RFX3: variants seen among roughly 807,000 people sequenced by gnomAD.
RFX3 encodes the protein transcription factor RFX3.
A neutral mutation model predicts 98.6 loss-of-function variants in RFX3; 14 were observed. That is an observed-to-expected ratio of 0.14 (90% CI 0.09 to 0.22). The LOEUF is 0.22. RFX3 is among the 10% of genes least tolerant of loss of function. The probability of loss-of-function intolerance (pLI) is 1.00; values close to 1 mark genes in which losing one functional copy is unlikely to be tolerated. For synonymous variants in RFX3, 383 were observed against 328.4 expected (o/e 1.17, Z -1.80); for missense variants, 639 against 926.9 (o/e 0.69, Z 4.03).
At chr9:3,340,840 G>C (rs1158485916) in intron 3 of RFX3, among the ~76,000 whole-genome samples, 1 of 152,206 alleles carries the variant, frequency 6.6e-6, no homozygotes, top group Non-Finnish European at 1.5e-5. Flanking sequence ...GTGGAAGTCA[G>C]TGTGGCGATT....
chr9:3,274,696 G>A (rs10971055), intron 9 of RFX3, among the ~76,000 whole-genome samples: 10 of 152,218 alleles, frequency 6.6e-5, no homozygotes, highest in Non-Finnish European at 1.5e-4. Flanking sequence ...TATTTTAATA[G>A]AAATATACAC....
chr9:3,501,002 T>C (rs955277596), intron 1 of RFX3, among the ~76,000 whole-genome samples: 8 of 152,208 alleles, frequency 5.3e-5, no homozygotes, highest in Admixed American at 4.6e-4. Context: ...GGCAGTGTCA[T>C]TGGAATGTGC....
intron 1 of RFX3, among the ~76,000 whole-genome samples, chr9:3,429,665 C>T (rs981809296): frequency 6.6e-6 from 1 of 152,166 alleles, no homozygotes; most frequent in Non-Finnish European, 1.5e-5. Flanking sequence ...ACTACATTCA[C>T]TTGCAAAGTA....
At chr9:3,304,532 T>C (rs1177469039) in intron 4 of RFX3, among the ~76,000 whole-genome samples, 1 of 152,010 alleles carries the variant, frequency 6.6e-6, no homozygotes, top group Non-Finnish European at 1.5e-5. Flanking sequence ...GAATTGTAGC[T>C]CCCACAATTC....
chr9:3,522,470 C>G (rs550096044), intron 1 of RFX3, among the ~76,000 whole-genome samples: 3 of 152,144 alleles, frequency 2.0e-5, no homozygotes, highest in African/African-American at 7.2e-5. Flanking sequence ...TACTTCTTCC[C>G]TATTCTCATT....
At chr9:3,449,715 T>C (rs1846394536) in intron 1 of RFX3, among the ~76,000 whole-genome samples, 1 of 151,590 alleles carries the variant, frequency 6.6e-6, no homozygotes, top group Non-Finnish European at 1.5e-5. Flanking sequence ...TAGCCAGGTG[T>C]GGAAGTGCAT....
At chr9:3,482,270 T>C (rs1202367453) in intron 1 of RFX3, among the ~76,000 whole-genome samples, 1 of 151,838 alleles carries the variant, frequency 6.6e-6, no homozygotes. Flanking sequence ...TAATAAACTT[T>C]GATTTGTAGG....
chr9:3,424,181 T>C (rs1029599915), intron 1 of RFX3, among the ~76,000 whole-genome samples: 4 of 151,092 alleles, frequency 2.6e-5, no homozygotes, highest in South Asian at 2.1e-4. Flanking sequence ...AGGCTGTCCC[T>C]GGTGAACTTC....
chr9:3,226,122 G>C (rs189926602), intron 16 of RFX3, among the ~76,000 whole-genome samples: 1 of 152,262 alleles, frequency 6.6e-6, no homozygotes, highest in African/African-American at 2.4e-5. Flanking sequence ...TATTGTGTGA[G>C]AGTCTCCTCA....
chr9:3,373,782 A>T (rs1205271849), intron 2 of RFX3, among the ~76,000 whole-genome samples: 2 of 152,082 alleles, frequency 1.3e-5, no homozygotes, highest in African/African-American at 2.4e-5. Flanking sequence ...ACAGACTTTT[A>T]AAAATACAAG....
chr9:3,239,035 C>A (rs1819559568), intron 15 of RFX3, among the ~76,000 whole-genome samples: 1 of 151,016 alleles, frequency 6.6e-6, no homozygotes, highest in Non-Finnish European at 1.5e-5. Context: ...AAAACTGATT[C>A]AAAAAAGGTA....
chr9:3,498,655 C>G (rs377308465), intron 1 of RFX3, among the ~76,000 whole-genome samples: 10 of 152,016 alleles, frequency 6.6e-5, no homozygotes, highest in Admixed American at 6.6e-4. Context: ...ACTATTATTG[C>G]TATTTTAATA....
At chr9:3,232,021 G>T (rs959492937) in intron 15 of RFX3, among the ~76,000 whole-genome samples, 1 of 149,616 alleles carries the variant, frequency 6.7e-6, no homozygotes, top group Non-Finnish European at 1.5e-5. Context: ...CAACAGGAGC[G>T]AAACTCTGTC....
At chr9:3,263,463 G>A (rs1192454741) in intron 12 of RFX3, among the ~76,000 whole-genome samples, 1 of 151,932 alleles carries the variant, frequency 6.6e-6, no homozygotes, top group Non-Finnish European at 1.5e-5. Flanking sequence ...GTAGAAACTA[G>A]GCAAATTTTA....
chr9:3,234,112 TTAAC>T (rs1428433769), intron 15 of RFX3, among the ~76,000 whole-genome samples: 1 of 152,180 alleles, frequency 6.6e-6, no homozygotes, highest in East Asian at 1.9e-4. Flanking sequence ...TATCACTATG[TTAAC>T]TATCACCCAG....
chr9:3,513,042 T>C (rs1817798736), intron 1 of RFX3, among the ~76,000 whole-genome samples: 1 of 152,124 alleles, frequency 6.6e-6, no homozygotes, highest in Non-Finnish European at 1.5e-5. Context: ...CATTTCTTTA[T>C]GCTCCTTAAA....
intron 1 of RFX3, among the ~76,000 whole-genome samples, chr9:3,504,246 T>TAA (rs1816424777): frequency 7.5e-6 from 1 of 132,960 alleles, no homozygotes; most frequent in South Asian, 2.2e-4. Flanking sequence ...ATTATATATA[T>TAA]ATTTTATATA....
chr9:3,514,407 C>A (rs1460977321), intron 1 of RFX3, among the ~76,000 whole-genome samples: 1 of 152,162 alleles, frequency 6.6e-6, no homozygotes, highest in Admixed American at 6.6e-5. Context: ...ATCTACTACA[C>A]TCTAATTGAA....
intron 1 of RFX3, among the ~76,000 whole-genome samples, chr9:3,406,283 G>A (rs1170035189): frequency 6.6e-6 from 1 of 151,594 alleles, no homozygotes; most frequent in African/African-American, 2.4e-5. Flanking sequence ...CATTTGAACA[G>A]GCAGTTTCTT....
Sources: gnomAD v4.1 joint callset for allele counts (sites outside exome capture counted in the v4.1 genomes callset) on GRCh38, gnomAD v4.1.1 for gene constraint, MANE v1.5 for transcripts, NCBI Gene and HGNC (gene_info 2026-07-23, HGNC 2026-07-21) for gene names.